The following DAB1 variants were observed in gnomAD, a reference collection of about 807,000 sequenced individuals.
DAB1 encodes the protein disabled homolog 1.
DAB1 carries 15 observed loss-of-function variants against 64.6 expected under a neutral mutation model. That is an observed-to-expected ratio of 0.23 (90% CI 0.16 to 0.36). The LOEUF (loss-of-function observed/expected upper bound fraction) is 0.36, where lower values mean the gene tolerates loss of function less well. DAB1 is among the 10% of genes least tolerant of loss of function. The pLI is 1.00. For missense variants in DAB1, 596 were observed against 706.7 expected, an observed-to-expected ratio of 0.84 and a Z score of 1.78; for synonymous variants, 235 against 251.9, an observed-to-expected ratio of 0.93 and a Z score of 0.64.
chr1:57,949,084 A>G (rs1488237324), intron 5 of DAB1, among the ~76,000 whole-genome samples: 1 of 151,854 alleles, frequency 6.6e-6, no homozygotes, highest in Non-Finnish European at 1.5e-5. Flanking sequence ...AGCAATCACC[A>G]TTCTTAGTGT....
chr1:57,126,835 A>T (rs1037808475), intron 4 of DAB1, among the ~76,000 whole-genome samples: 1 of 151,816 alleles, frequency 6.6e-6, no homozygotes, highest in Non-Finnish European at 1.5e-5. Flanking sequence ...CCTCTCCATC[A>T]CCCTGTCCCC....
chr1:57,989,358 C>T (rs924928396), intron 5 of DAB1, among the ~76,000 whole-genome samples: 1 of 152,174 alleles, frequency 6.6e-6, no homozygotes, highest in Non-Finnish European at 1.5e-5. Flanking sequence ...GAAATACTCA[C>T]ATTACACAAA....
intron 2 of DAB1, among the ~76,000 whole-genome samples, chr1:57,196,997 C>T (rs1221726305): frequency 6.6e-6 from 1 of 152,088 alleles, no homozygotes; most frequent in Non-Finnish European, 1.5e-5. Context: ...GGCAGATTGC[C>T]ATCAAAATTC....
chr1:57,070,165 CA>C (rs1484233986), intron 7 of DAB1, among the ~76,000 whole-genome samples: 2 of 152,192 alleles, frequency 1.3e-5, no homozygotes, highest in Admixed American at 6.5e-5. Context: ...TTCATTGTAG[CA>C]GTACCAGATT....
At chr1:58,490,162 C>T (rs890898147) in intron 3 of DAB1, among the ~76,000 whole-genome samples, 4 of 152,084 alleles carry the variant, frequency 2.6e-5, no homozygotes, top group South Asian at 2.1e-4. Context: ...GGAGGAAGTT[C>T]GAACCCATGG....
chr1:58,273,997 T>A (rs1226196925), intron 4 of DAB1, among the ~76,000 whole-genome samples: 103 of 105,128 alleles, frequency 9.8e-4, no homozygotes, highest in Middle Eastern at 4.3e-3. Flanking sequence ...TCTGAAGCCT[T>A]CTTCTCTCAG....
At chr1:57,395,025 T>A (rs1034353096) in intron 1 of DAB1, among the ~76,000 whole-genome samples, 22 of 152,154 alleles carry the variant, frequency 1.4e-4, no homozygotes, top group Admixed American at 2.0e-4. Flanking sequence ...AATATATATG[T>A]TTTTTGTTTT....
chr1:57,934,063 TTG>T (rs55848780), intron 5 of DAB1, among the ~76,000 whole-genome samples: 2,338 of 127,982 alleles, frequency 0.018, 51 homozygotes, highest in African/African-American at 0.055. Context: ...GCCCAGCTAA[TTG>T]TGTGTGTGTG....
intron 5 of DAB1, among the ~76,000 whole-genome samples, chr1:57,926,003 G>A (rs905232675): frequency 2.6e-5 from 4 of 152,134 alleles, no homozygotes; most frequent in African/African-American, 4.8e-5. Context: ...TCTGCTTCTC[G>A]ACAAGAACTC....
chr1:58,167,194 TG>T (rs1010106271), intron 4 of DAB1, among the ~76,000 whole-genome samples: 5 of 152,188 alleles, frequency 3.3e-5, no homozygotes, highest in African/African-American at 1.2e-4. Context: ...CTGGGTCAGG[TG>T]GGGACTTGGA....
At chr1:57,070,917 T>C in intron 7 of DAB1, 106 bp downstream of exon 7, 1 of 991,650 alleles carries the variant, frequency 1.0e-6, no homozygotes, top group African/African-American at 1.6e-5. Context: ...TCTTGGTCTC[T>C]CTCCAGGTTT....
At chr1:57,947,865 G>A (rs1396004448) in intron 5 of DAB1, among the ~76,000 whole-genome samples, 1 of 152,198 alleles carries the variant, frequency 6.6e-6, no homozygotes, top group African/African-American at 2.4e-5. Context: ...AACAGGGGCA[G>A]AGATCACAAT....
At chr1:58,092,213 G>A (rs572986754) in intron 5 of DAB1, among the ~76,000 whole-genome samples, 38 of 151,936 alleles carry the variant, frequency 2.5e-4, no homozygotes, top group Non-Finnish European at 4.7e-4. Context: ...GTGGGCACCT[G>A]TAATCCCAGC....
intron 2 of DAB1, among the ~76,000 whole-genome samples, chr1:57,146,121 G>A (rs1292182136): frequency 3.3e-5 from 5 of 152,176 alleles, no homozygotes; most frequent in African/African-American, 1.2e-4. Context: ...TCTACATGAA[G>A]TGAGGACAAT....
chr1:57,391,916 T>C (rs1682408973), intron 1 of DAB1, among the ~76,000 whole-genome samples: 1 of 152,224 alleles, frequency 6.6e-6, no homozygotes, highest in East Asian at 1.9e-4. Flanking sequence ...ATGACTCTGA[T>C]CACAATTCCT....
At chr1:58,279,411 TG>T (rs1557721169) in intron 4 of DAB1, among the ~76,000 whole-genome samples, 1 of 152,212 alleles carries the variant, frequency 6.6e-6, no homozygotes, top group Non-Finnish European at 1.5e-5. Context: ...GTTATTAGAC[TG>T]GTCTCTCTGG....
chr1:57,593,982 G>A (rs1246359671), intron 7 of DAB1, among the ~76,000 whole-genome samples: 1 of 152,212 alleles, frequency 6.6e-6, no homozygotes, highest in African/African-American at 2.4e-5. Flanking sequence ...AGCCTGGGTT[G>A]TATGCCTTGC....
At chr1:57,910,268 C>G (rs1046367506) in intron 5 of DAB1, among the ~76,000 whole-genome samples, 1 of 152,112 alleles carries the variant, frequency 6.6e-6, no homozygotes, top group Non-Finnish European at 1.5e-5. Context: ...CATTCTTGAG[C>G]CACAGCATCT....
rs1217862519 is a variant in DAB1 at position 58,149,142 on chromosome 1, GT to G, written n.387+1368del. On this transcript the variant is annotated intron_variant and non_coding_transcript_variant, in intron 5 of 20. Coordinates refer to the DAB1 transcript ENST00000485760. The stretch of plus-strand genomic sequence containing the variant: ...TTCTTCATAGTACTTCTTACTAAAA[GT>G]TTCTTGTCTACTTATTAATTTTCTG... Among the ~76,000 whole-genome samples the G allele has an allele frequency of 3.3e-5, 5 of 152,122 alleles. No individual in the cohort carries two copies. The East Asian group carries it at 7.7e-4, about 24-fold the overall frequency.
Sources: allele counts gnomAD v4.1 joint callset (sites outside exome capture counted in the v4.1 genomes callset), GRCh38; gene constraint gnomAD v4.1.1; transcripts MANE v1.5; gene names NCBI Gene and HGNC (gene_info 2026-07-23, HGNC 2026-07-21).